GPHN: variants seen among roughly 807,000 people sequenced by gnomAD.
GPHN encodes gephyrin.
Under a neutral mutation model 95.5 loss-of-function variants are expected in GPHN, and 17 were observed. That is an observed-to-expected ratio of 0.18 (90% CI 0.12 to 0.27). The LOEUF (loss-of-function observed/expected upper bound fraction) is 0.27. Ranked by LOEUF, GPHN falls within the 10% of genes least tolerant of loss-of-function variation. GPHN has a pLI of 1.00. For synonymous variants in GPHN, 320 were observed against 322.5 expected (o/e 0.99, Z 0.08); for missense variants, 660 against 978.1 (o/e 0.67, Z 4.34).
chr14:66,582,080 C>T (rs908082034), intron 1 of GPHN, among the ~76,000 whole-genome samples: 2 of 151,982 alleles, frequency 1.3e-5, no homozygotes, highest in Non-Finnish European at 2.9e-5. Flanking sequence ...TAGCAGAATC[C>T]ACATTTTTCT....
the GPHN span, among the ~76,000 whole-genome samples, chr14:67,465,307 G>GTAATGGGAAATCATTAAAGAGTCT: frequency 6.6e-6 from 1 of 150,626 alleles, no homozygotes; most frequent in Non-Finnish European, 1.5e-5. Context: ...GTAACATAGG[G>GTAATGGGAAATCATTAAAGAGTCT]GCCGAAGGCC....
chr14:67,632,139 A>G, the GPHN span, among the ~76,000 whole-genome samples: 9 of 151,970 alleles, frequency 5.9e-5, no homozygotes, highest in Non-Finnish European at 1.2e-4. Context: ...TTCCCACCTC[A>G]GCCTCTCAAA....
the GPHN span, chr14:67,335,733 G>A: frequency 1.2e-4 from 18 of 149,860 alleles, no homozygotes; most frequent in African/African-American, 4.6e-4. Flanking sequence ...CTCTTTTCCT[G>A]TATCTGCACT....
chr14:66,600,879 C>G (rs1238387739), intron 1 of GPHN, among the ~76,000 whole-genome samples: 1 of 152,048 alleles, frequency 6.6e-6, no homozygotes, highest in Admixed American at 6.5e-5. Context: ...TTCTCCTCCT[C>G]CTGCACATTT....
the GPHN span, chr14:67,692,622 G>T: frequency 3.3e-6 from 5 of 1,521,758 alleles, no homozygotes; most frequent in Non-Finnish European, 4.4e-6. Flanking sequence ...AAGAGAAATG[G>T]TCAGCTCTGT....
chr14:67,699,839 T>C, the GPHN span, among the ~76,000 whole-genome samples: 2 of 152,108 alleles, frequency 1.3e-5, no homozygotes, highest in African/African-American at 2.4e-5. Flanking sequence ...ACAAACTCAA[T>C]GAAAAGAATA....
the GPHN span, chr14:67,302,467 G>A: frequency 2.5e-6 from 4 of 1,599,106 alleles, no homozygotes; most frequent in Admixed American, 6.9e-5. Context: ...AGTAAAAGGG[G>A]GTGCTGCAGA....
chr14:67,582,343 T>C, the GPHN span: 1 of 1,477,920 alleles, frequency 6.8e-7, no homozygotes, highest in Non-Finnish European at 9.2e-7. The surrounding 1 kb of genome is among the most constrained non-coding windows in gnomAD (Gnocchi z 5.0). Flanking sequence ...ATCTCTGGGA[T>C]GGAAAGCAGC....
the GPHN span, among the ~76,000 whole-genome samples, chr14:67,458,392 C>A: frequency 6.6e-6 from 1 of 152,206 alleles, no homozygotes; most frequent in Admixed American, 6.5e-5. Context: ...CTCCTACTAC[C>A]TGCCAGACCC....
rs2080613965 is a variant in GPHN, at chr14:67,143,407, T to C, written c.1794T>C (p.Ala598=). 6.2e-7 allele frequency: 1 copy of C among 1,611,416 alleles called. No individual in the cohort carries two copies. Residue 598 remains alanine, a synonymous_variant, in exon 18 of 23, where the codon GCT becomes GCC. Coordinates refer to ENST00000478722, the MANE Select transcript of GPHN (RefSeq NM_020806.5). ...CCTTGAATGAGGGTATCAGTCGTGC[T>C]GATGTCATCATCACATCAGGGGGTG... is the stretch of plus-strand genomic sequence containing the variant. ...LNALNEGISR[A]DVIITSGGVS...
intron 11 of GPHN, among the ~76,000 whole-genome samples, chr14:67,063,559 A>G (rs916907325): frequency 2.6e-5 from 4 of 152,172 alleles, no homozygotes; most frequent in African/African-American, 7.2e-5. Context: ...TCTTCTATCC[A>G]TGAGCATGGA....
At chr14:66,913,832 G>T (rs1260100734) in intron 5 of GPHN, among the ~76,000 whole-genome samples, 2 of 151,950 alleles carry the variant, frequency 1.3e-5, no homozygotes, top group Non-Finnish European at 2.9e-5. Flanking sequence ...CTAAAACTTT[G>T]GTGCTTATAG....
chr14:67,125,524 C>G (rs1031401115), intron 17 of GPHN, among the ~76,000 whole-genome samples: 2 of 152,216 alleles, frequency 1.3e-5, no homozygotes, highest in Non-Finnish European at 2.9e-5. Context: ...CGCCTATAAT[C>G]CCAGCACTTT....
intron 17 of GPHN, among the ~76,000 whole-genome samples, chr14:67,124,954 G>A (rs1052652032): frequency 3.9e-5 from 6 of 151,942 alleles, no homozygotes; most frequent in Admixed American, 1.3e-4. Flanking sequence ...AATTTGTGGT[G>A]GACATTTCCT....
chr14:66,610,975 T>C (rs1228678383), intron 1 of GPHN, among the ~76,000 whole-genome samples: 1 of 152,172 alleles, frequency 6.6e-6, no homozygotes. Context: ...ATGTTTTTGC[T>C]GTACTGACTT....
chr14:66,790,170 T>G (rs1353949028), intron 3 of GPHN, among the ~76,000 whole-genome samples: 1 of 152,216 alleles, frequency 6.6e-6, no homozygotes, highest in Non-Finnish European at 1.5e-5. Flanking sequence ...TAAAAATCTC[T>G]TATTACCCAG....
At chr14:67,542,448 T>A in the GPHN span, among the ~76,000 whole-genome samples, 1 of 152,244 alleles carries the variant, frequency 6.6e-6, no homozygotes, top group Non-Finnish European at 1.5e-5. Context: ...AACTTGGCTC[T>A]GCCACTTACT....
the GPHN span, chr14:67,572,339 C>G: frequency 6.8e-7 from 1 of 1,476,464 alleles, no homozygotes; most frequent in Non-Finnish European, 9.1e-7. Flanking sequence ...TGCTGGGGCC[C>G]TCAGCACAAG....
chr14:66,753,035 A>G (rs2058428948), intron 2 of GPHN, among the ~76,000 whole-genome samples: 1 of 152,036 alleles, frequency 6.6e-6, no homozygotes, highest in Admixed American at 6.6e-5. Context: ...ATATATACAA[A>G]CGTGTTTAAA....
Sources: allele counts gnomAD v4.1 joint callset (sites outside exome capture counted in the v4.1 genomes callset), GRCh38; gene constraint gnomAD v4.1.1; non-coding constraint Gnocchi (gnomAD v3.1); transcripts MANE v1.5; gene names NCBI Gene and HGNC (gene_info 2026-07-23, HGNC 2026-07-21).